GPC5: variants seen among roughly 807,000 people sequenced by gnomAD.
The protein encoded by GPC5 is glypican 5.
GPC5 carries 47 observed loss-of-function variants against 53.9 expected under a neutral mutation model. That is an observed-to-expected ratio of 0.87 (90% CI 0.69 to 1.11). The LOEUF (loss-of-function observed/expected upper bound fraction) is 1.11, where lower values mean the gene tolerates loss of function less well. Ranked by LOEUF, GPC5 falls within the 50% of genes most tolerant of loss-of-function variation. GPC5 has a pLI of 0.00. For missense variants in GPC5, 748 were observed against 713.1 expected (o/e 1.05, Z -0.56); for synonymous variants, 286 against 263.3 (o/e 1.09, Z -0.84).
At chr13:92,590,548 G>A (rs771263427) in intron 7 of GPC5, among the ~76,000 whole-genome samples, 14 of 152,200 alleles carry the variant, frequency 9.2e-5, no homozygotes, top group Non-Finnish European at 1.8e-4. Flanking sequence ...TGCTATCAGA[G>A]CTGAGTCATG....
At chr13:91,971,422 T>G (rs1255426611) in intron 6 of GPC5, among the ~76,000 whole-genome samples, 1 of 152,152 alleles carries the variant, frequency 6.6e-6, no homozygotes, top group South Asian at 2.1e-4. Context: ...AACCAGCTCC[T>G]AGATTCACTA....
chr13:91,521,570 A>C (rs1438329961), intron 2 of GPC5, among the ~76,000 whole-genome samples: 1 of 152,250 alleles, frequency 6.6e-6, no homozygotes, highest in East Asian at 1.9e-4. Flanking sequence ...TTAACTTAAA[A>C]AACATGTTCT....
At chr13:91,586,246 T>C (rs1237978444) in intron 2 of GPC5, among the ~76,000 whole-genome samples, 2 of 150,668 alleles carry the variant, frequency 1.3e-5, no homozygotes, top group Admixed American at 6.7e-5. Flanking sequence ...TTCCATGATA[T>C]AATCTTTTGA....
At chr13:92,844,112 A>G (rs9589637) in intron 7 of GPC5, among the ~76,000 whole-genome samples, 2,677 of 152,010 alleles carry the variant, frequency 0.018, 85 homozygotes, top group African/African-American at 0.06. Context: ...GATTTGATTG[A>G]TTTTGTAAGT....
At chr13:91,406,623 C>G (rs1036130050) in intron 1 of GPC5, among the ~76,000 whole-genome samples, 3 of 152,198 alleles carry the variant, frequency 2.0e-5, no homozygotes, top group Non-Finnish European at 4.4e-5. Context: ...CATTGATACC[C>G]TTCAAAGTTC....
intron 5 of GPC5, among the ~76,000 whole-genome samples, chr13:91,798,258 T>C (rs1172359960): frequency 6.6e-6 from 1 of 152,148 alleles, no homozygotes; most frequent in African/African-American, 2.4e-5. Flanking sequence ...TGTGCCATGG[T>C]GGTTTGCAGA....
chr13:92,594,785 A>C (rs781526376), intron 7 of GPC5, among the ~76,000 whole-genome samples: 24 of 152,252 alleles, frequency 1.6e-4, no homozygotes, highest in Non-Finnish European at 2.9e-4. Flanking sequence ...TCTACTTCCA[A>C]CCTGAAATTG....
At chr13:92,481,312 A>G (rs1879346999) in intron 7 of GPC5, among the ~76,000 whole-genome samples, 1 of 152,038 alleles carries the variant, frequency 6.6e-6, no homozygotes, top group South Asian at 2.1e-4. Flanking sequence ...CTTGTTAGCC[A>G]AGATGGTCTC....
intron 2 of GPC5, among the ~76,000 whole-genome samples, chr13:91,599,256 A>T (rs2033098454): frequency 6.6e-6 from 1 of 152,166 alleles, no homozygotes; most frequent in Non-Finnish European, 1.5e-5. Context: ...ATTTGGCTAA[A>T]TGTCAGTCTT....
At chr13:91,999,506 G>A (rs1035245915) in intron 6 of GPC5, among the ~76,000 whole-genome samples, 2 of 151,840 alleles carry the variant, frequency 1.3e-5, no homozygotes, top group African/African-American at 4.8e-5. Flanking sequence ...TTTTCCCTTT[G>A]GGCTCAAAGA....
At chr13:92,566,124 G>C (rs985773390) in intron 7 of GPC5, among the ~76,000 whole-genome samples, 1 of 151,936 alleles carries the variant, frequency 6.6e-6, no homozygotes, top group Non-Finnish European at 1.5e-5. Context: ...ATTTAATCTT[G>C]ATAATCTGTT....
chr13:92,002,152 G>T (rs1013389036), intron 6 of GPC5, among the ~76,000 whole-genome samples: 3 of 57,014 alleles, frequency 5.3e-5, no homozygotes, highest in African/African-American at 1.4e-4. Flanking sequence ...ATCTGATTTG[G>T]TTGCTCTGAA....
At chr13:92,276,287 C>CACCT (rs2042875184) in intron 7 of GPC5, among the ~76,000 whole-genome samples, 2 of 152,082 alleles carry the variant, frequency 1.3e-5, no homozygotes, top group African/African-American at 4.8e-5. Context: ...AATTAAACTG[C>CACCT]AATAATTTGT....
chr13:92,345,126 T>C (rs1352355581), intron 7 of GPC5, among the ~76,000 whole-genome samples: 1 of 152,086 alleles, frequency 6.6e-6, no homozygotes, highest in Non-Finnish European at 1.5e-5. Flanking sequence ...GTTACCAGAA[T>C]AATTATGATC....
At chr13:92,593,734 T>A (rs1007269330) in intron 7 of GPC5, among the ~76,000 whole-genome samples, 1 of 152,152 alleles carries the variant, frequency 6.6e-6, no homozygotes, top group Non-Finnish European at 1.5e-5. Flanking sequence ...GTATAGTGTA[T>A]GTGTCTAAGA....
chr13:92,217,619 T>G (rs1427347335), intron 7 of GPC5, among the ~76,000 whole-genome samples: 4 of 152,186 alleles, frequency 2.6e-5, no homozygotes, highest in Non-Finnish European at 5.9e-5. Flanking sequence ...CGCCACCAAG[T>G]GCAAAATCCC....
At chr13:91,613,218 G>C (rs997463018) in intron 2 of GPC5, among the ~76,000 whole-genome samples, 1 of 152,166 alleles carries the variant, frequency 6.6e-6, no homozygotes, top group African/African-American at 2.4e-5. Flanking sequence ...ATTTATAAAG[G>C]AAAGAGTTTT....
intron 5 of GPC5, among the ~76,000 whole-genome samples, chr13:91,841,842 C>T (rs2038791511): frequency 6.6e-6 from 1 of 152,082 alleles, no homozygotes; most frequent in Admixed American, 6.5e-5. Flanking sequence ...AGCATATGGG[C>T]AGTTTGAGGT....
At chr13:92,318,460 AT>A (rs1415175258) in intron 7 of GPC5, among the ~76,000 whole-genome samples, 1 of 152,234 alleles carries the variant, frequency 6.6e-6, no homozygotes, top group Non-Finnish European at 1.5e-5. Context: ...CAAATGTAAA[AT>A]ATAACAAATA....
Sources: allele counts gnomAD v4.1 joint callset (sites outside exome capture counted in the v4.1 genomes callset), GRCh38; gene constraint gnomAD v4.1.1; transcripts MANE v1.5; gene names NCBI Gene and HGNC (gene_info 2026-07-23, HGNC 2026-07-21).